USP54: variants seen among roughly 807,000 people sequenced by gnomAD.
USP54 encodes ubiquitin specific peptidase 54, also known as ubiquitin carboxyl-terminal hydrolase 54.
A neutral mutation model predicts 170.5 loss-of-function variants in USP54; 87 were observed. That is an observed-to-expected ratio of 0.51 (90% CI 0.43 to 0.61). The LOEUF (loss-of-function observed/expected upper bound fraction) is 0.61. Ranked by LOEUF, USP54 falls within the 20% of genes least tolerant of loss-of-function variation. The pLI is 0.00. For synonymous variants in USP54, 655 were observed against 742.8 expected, an observed-to-expected ratio of 0.88 and a Z score of 1.92; for missense variants, 1,786 against 2,047.8, an observed-to-expected ratio of 0.87 and a Z score of 2.47.
chr10:73,547,753 A>G (rs1380590796), intron 4 of USP54, among the ~76,000 whole-genome samples: 1 of 152,214 alleles, frequency 6.6e-6, no homozygotes, highest in African/African-American at 2.4e-5. Flanking sequence ...AAAGACTTAA[A>G]TATCAGACTA....
At chr10:73,536,498 T>C (rs372930973) in intron 10 of USP54, 61 bp from the exon 11 acceptor site, 67 of 1,430,980 alleles carry the variant, frequency 4.7e-5, no homozygotes, top group East Asian at 4.0e-4. Context: ...ATTCACAACA[T>C]ATCTTTCTGT....
intron 1 of USP54, among the ~76,000 whole-genome samples, chr10:73,609,319 G>A (rs550895994): frequency 6.6e-6 from 1 of 152,312 alleles, no homozygotes; most frequent in Non-Finnish European, 1.5e-5. Context: ...CAAAGGAAAT[G>A]GATCTGCACA....
At chr10:73,609,838 G>A (rs1294261109) in intron 1 of USP54, among the ~76,000 whole-genome samples, 1 of 114,722 alleles carries the variant, frequency 8.7e-6, no homozygotes, top group African/African-American at 3.4e-5. Flanking sequence ...GCGAGATTCC[G>A]TCACAAAAAA....
intron 13 of USP54, 56 bp from the exon 14 acceptor site, chr10:73,530,579 G>A: frequency 6.4e-7 from 1 of 1,567,996 alleles, no homozygotes; most frequent in Non-Finnish European, 8.6e-7. Flanking sequence ...ATGGATACTA[G>A]ACCCCAATGT....
chr10:73,578,099 A>G (rs910710950), intron 1 of USP54, among the ~76,000 whole-genome samples: 28 of 152,302 alleles, frequency 1.8e-4, no homozygotes, highest in South Asian at 1.0e-3. Flanking sequence ...CAAAAGGAGA[A>G]AAACGCAGTA....
chr10:73,529,869 T>C lies in USP54; in HGVS notation c.1871A>G (p.Tyr624Cys). 6.4e-7 allele frequency: 1 copy of C among 1,557,694 alleles called. No individual in the cohort carries two copies. The highest frequency in any genetic ancestry group is 8.7e-7 in the Non-Finnish European group (1 of 1,154,076). ...GCTTGGTCCACCAAATTTAATGTCG[T>C]AAGAAGGTGGCTTGCTTGGTTCATC... ...IPDEPSKPPS[Y>C]DIKFGGPSPQ... Residue 624 changes from tyrosine to cysteine, a missense_variant, in exon 15 of 24, where the codon TAC becomes TGC. Physicochemically the swap from Tyr to Cys is radical, Grantham distance 194. Around this residue, in one of 3 missense-constraint regions of USP54, gnomAD observed 1,418 missense variants for 1,569.0 expected, o/e 0.90. Transcript: ENST00000687698.
chr10:73,588,743 C>T (rs896466769), intron 1 of USP54, among the ~76,000 whole-genome samples: 1 of 152,228 alleles, frequency 6.6e-6, no homozygotes, highest in African/African-American at 2.4e-5. Context: ...ACATTTCCAA[C>T]CTCATCTACC....
At chr10:73,505,087 G>A (rs2058872277) in intron 21 of USP54, 97 bp from the exon 22 acceptor site, 3 of 1,539,660 alleles carry the variant, frequency 1.9e-6, no homozygotes, top group Admixed American at 1.7e-5. Flanking sequence ...AGTAGGGGAA[G>A]ACTCAGTAGT....
chr10:73,606,311 T>A (rs1445740304), intron 1 of USP54: 1 of 151,800 alleles, frequency 6.6e-6, no homozygotes, highest in Non-Finnish European at 1.5e-5. Flanking sequence ...TTTACCACAA[T>A]TTTTTAAAAA....
intron 23 of USP54, among the ~76,000 whole-genome samples, chr10:73,500,425 T>C (rs3793663): frequency 0.069 from 10,548 of 152,310 alleles, 615 homozygotes; most frequent in East Asian, 0.3. Context: ...TTTTCGTAAG[T>C]AGACAGACTC....
intron 15 of USP54, among the ~76,000 whole-genome samples, chr10:73,527,984 G>A (rs1210346564): frequency 6.6e-6 from 1 of 152,128 alleles, no homozygotes; most frequent in Non-Finnish European, 1.5e-5. Context: ...CACCCAGGCT[G>A]GAGTGCAGTG....
rs1260978616 is a variant in USP54 at position 73,498,509 on chromosome 10, C to T, written c.*120G>A. On this transcript the variant is annotated 3_prime_UTR_variant, in exon 24 of 24. Transcript: ENST00000687698. ...CAGGATGGTCTCAATCTCCTGACCT[C>T]GTGATCCACCCGCCTCAGCCTCCCA... is the stretch of plus-strand genomic sequence containing the variant. 11 of 971,252 alleles carry T rather than the reference C, an allele frequency of 1.1e-5. No individual in the cohort carries two copies. The East Asian group carries it at 1.6e-4, about 14-fold the overall frequency. 60.2% of individuals were successfully genotyped at this position (971,252 alleles called of 1,614,324 possible).
chr10:73,620,998 A>C lies in USP54; in HGVS notation c.-18+4569T>G, dbSNP rs1335361068. 3.3e-5 allele frequency among the ~76,000 whole-genome samples: 5 copies of C among 149,804 alleles called. No individual in the cohort carries two copies. The East Asian group carries it at 9.7e-4, about 29-fold the overall frequency. Reference sequence around the variant, plus strand: ...TGGCGAAACCCCGTCTCTACTAAAAATACAAAAATTAGCTGAGCTCGGTGG... The same window carrying C: ...TGGCGAAACCCCGTCTCTACTAAAACTACAAAAATTAGCTGAGCTCGGTGG... On this transcript the variant is annotated intron_variant, in intron 1 of 22. Coordinates refer to the USP54 transcript ENST00000339859.
At chr10:73,596,720 C>CA (rs36049099) in intron 1 of USP54, among the ~76,000 whole-genome samples, 70,890 of 91,866 alleles carry the variant, frequency 0.77, 27,682 homozygotes, top group Non-Finnish European at 0.84. Context: ...GATCCTGTCT[C>CA]AAAAAAAAAA....
intron 1 of USP54, among the ~76,000 whole-genome samples, chr10:73,612,352 T>C (rs1267713852): frequency 2.0e-5 from 3 of 152,122 alleles, no homozygotes; most frequent in Non-Finnish European, 4.4e-5. Context: ...GTAGGCTTTT[T>C]CCCCCTTGTT....
chr10:73,622,236 CTGGCACAT>C (rs2081149651), intron 1 of USP54, among the ~76,000 whole-genome samples: 1 of 152,130 alleles, frequency 6.6e-6, no homozygotes, highest in Non-Finnish European at 1.5e-5. Context: ...GATAATGTGC[CTGGCACAT>C]TAATAATCAC....
chr10:73,574,699 C>T (rs1015236316), intron 3 of USP54, among the ~76,000 whole-genome samples: 3 of 151,884 alleles, frequency 2.0e-5, no homozygotes, highest in Admixed American at 6.6e-5. Flanking sequence ...ATTGCTTGAA[C>T]CCAAGAGGCA....
At chr10:73,593,458 A>G (rs578255358), upstream of USP54, among the ~76,000 whole-genome samples, 1 of 152,046 alleles carries the variant, frequency 6.6e-6, no homozygotes, top group Non-Finnish European at 1.5e-5. Flanking sequence ...CAAGAGGGAG[A>G]GTGATACATA....
chr10:73,532,235 C>T (rs1420627124), intron 12 of USP54, among the ~76,000 whole-genome samples: 1 of 151,586 alleles, frequency 6.6e-6, no homozygotes, highest in Admixed American at 6.6e-5. Context: ...TGCAGTGGTG[C>T]GATCTCAACT....
Sources: gnomAD v4.1 joint callset for allele counts (sites outside exome capture counted in the v4.1 genomes callset) on GRCh38, gnomAD v4.1.1 for gene constraint, gnomAD v4.1.1 regional missense constraint, MANE v1.5 for transcripts, NCBI Gene and HGNC (gene_info 2026-07-23, HGNC 2026-07-21) for gene names.